Variants in ENOX1 observed in about 807,000 individuals in gnomAD.
The protein encoded by ENOX1 is candidate growth-related and time keeping constitutive hydroquinone (NADH) oxidase.
Under a neutral mutation model 82.5 loss-of-function variants are expected in ENOX1, and 42 were observed. That is an observed-to-expected ratio of 0.51 (90% confidence interval 0.40 to 0.66). The LOEUF (loss-of-function observed/expected upper bound fraction) is 0.66, where lower values mean the gene tolerates loss of function less well. Ranked by LOEUF, ENOX1 falls within the 30% of genes least tolerant of loss-of-function variation. The pLI, the probability that ENOX1 is intolerant of heterozygous loss-of-function variation, is 0.00. For synonymous variants in ENOX1, 271 were observed against 282.2 expected, an observed-to-expected ratio of 0.96 and a Z score of 0.40; for missense variants, 608 against 811.6, an observed-to-expected ratio of 0.75 and a Z score of 3.05.
intron 2 of ENOX1, among the ~76,000 whole-genome samples, chr13:43,598,283 T>C (rs2081555301): frequency 6.6e-6 from 1 of 152,090 alleles, no homozygotes; most frequent in Admixed American, 6.6e-5. Flanking sequence ...CAAGAAAATA[T>C]GCTGCATGAA....
intron 2 of ENOX1, among the ~76,000 whole-genome samples, chr13:43,536,347 T>G (rs1354185675): frequency 6.6e-6 from 1 of 152,234 alleles, no homozygotes; most frequent in Non-Finnish European, 1.5e-5. Context: ...GCATTCATGT[T>G]TTTGAATGAA....
At position 43,689,759 on chromosome 13, in the gene ENOX1, G is replaced by A. The variant is rs77273221; in HGVS notation, c.-284-22215C>T. On this transcript the variant is annotated intron_variant, in intron 1 of 16. Coordinates refer to ENST00000690772, the MANE Select transcript of ENOX1 (RefSeq NM_001347969.2). ...ATATAAATATGAATATACATCTGTC[G>A]TTGTATACACACACTCAACACTCAA... Among the ~76,000 whole-genome samples the A allele has an allele frequency of 8.2e-3, 1,243 of 152,126 alleles. 9 individuals carry two copies. The highest frequency in any genetic ancestry group is 0.013 in the Non-Finnish European group (863 of 68,004).
At position 43,739,502 on chromosome 13, in the gene ENOX1, T is replaced by A. The variant is rs544273650; in HGVS notation, c.-285+47150A>T. ...AGGTGGAGGCTGCAGTGAGCTGAGA[T>A]AGCACCACTGCACTCCAGCCTGGGC... is the stretch of plus-strand genomic sequence containing the variant. On this transcript the variant is annotated intron_variant, in intron 1 of 16. Coordinates refer to ENST00000690772, the MANE Select transcript of ENOX1 (RefSeq NM_001347969.2). 9.2e-5 allele frequency among the ~76,000 whole-genome samples: 14 copies of A among 152,064 alleles called. No homozygotes were observed. The East Asian group carries it at 2.7e-3, about 29-fold the overall frequency.
At chr13:43,784,566 G>C (rs903241801) in intron 1 of ENOX1, among the ~76,000 whole-genome samples, 1 of 152,214 alleles carries the variant, frequency 6.6e-6, no homozygotes, top group Non-Finnish European at 1.5e-5. Flanking sequence ...AATTCAAAGA[G>C]TGTTGCTGTT....
chr13:43,470,394 ATATGTG>A (rs1355859307), intron 3 of ENOX1, among the ~76,000 whole-genome samples: 1 of 46,012 alleles, frequency 2.2e-5, no homozygotes, highest in African/African-American at 4.8e-5. Flanking sequence ...ATACGTATAT[ATATGTG>A]TATATATATA....
intron 2 of ENOX1, among the ~76,000 whole-genome samples, chr13:43,586,834 G>T (rs557039050): frequency 6.6e-6 from 1 of 152,108 alleles, no homozygotes; most frequent in African/African-American, 2.4e-5. Flanking sequence ...GGAGGCTGAG[G>T]CAGGTGGATC....
intron 3 of ENOX1, among the ~76,000 whole-genome samples, chr13:43,448,187 C>A (rs1000151752): frequency 1.3e-5 from 2 of 152,174 alleles, no homozygotes; most frequent in South Asian, 2.1e-4. Context: ...AAAACATGTT[C>A]TCTTATTAGT....
intron 5 of ENOX1, among the ~76,000 whole-genome samples, chr13:43,395,991 C>T (rs1383352992): frequency 6.6e-6 from 1 of 152,106 alleles, no homozygotes; most frequent in Non-Finnish European, 1.5e-5. Context: ...AAACGATGGC[C>T]ACTTATTTGA....
chr13:43,401,624 A>G (rs2053501899), intron 5 of ENOX1, among the ~76,000 whole-genome samples: 1 of 152,140 alleles, frequency 6.6e-6, no homozygotes, highest in Admixed American at 6.5e-5. Flanking sequence ...GTTGATTAGG[A>G]GAGACGGAGA....
At chr13:43,536,961 G>T (rs1193020215) in intron 2 of ENOX1, among the ~76,000 whole-genome samples, 1 of 152,150 alleles carries the variant, frequency 6.6e-6, no homozygotes, top group Non-Finnish European at 1.5e-5. Context: ...GAAGAAAATG[G>T]AGTGCCAAGG....
At chr13:43,437,752 A>G (rs925964361) in intron 3 of ENOX1, among the ~76,000 whole-genome samples, 3 of 152,206 alleles carry the variant, frequency 2.0e-5, no homozygotes, top group Non-Finnish European at 2.9e-5. Context: ...ATATTTAGTA[A>G]CTTCCACTGT....
intron 1 of ENOX1, among the ~76,000 whole-genome samples, chr13:43,746,924 C>A (rs1240083644): frequency 1.3e-5 from 2 of 152,172 alleles, no homozygotes; most frequent in Non-Finnish European, 2.9e-5. Context: ...TTAACCAGTT[C>A]AGCAAACTTC....
At chr13:43,369,255 C>T (rs552104414) in intron 5 of ENOX1, among the ~76,000 whole-genome samples, 1 of 152,296 alleles carries the variant, frequency 6.6e-6, no homozygotes, top group African/African-American at 2.4e-5. Flanking sequence ...TTCAGTCCTT[C>T]CATGAACTAA....
At chr13:43,320,214 A>G (rs2047725938) in intron 11 of ENOX1, among the ~76,000 whole-genome samples, 1 of 152,220 alleles carries the variant, frequency 6.6e-6, no homozygotes. Flanking sequence ...TGCTTTCTTC[A>G]GAAACCACAT....
intron 1 of ENOX1, among the ~76,000 whole-genome samples, chr13:43,729,160 C>T (rs17539229): frequency 0.041 from 6,172 of 152,214 alleles, 180 homozygotes; most frequent in Non-Finnish European, 0.063. Context: ...ATTCAATGTT[C>T]CACAATCCAA....
chr13:43,359,022 G>A (rs921651693), intron 7 of ENOX1, among the ~76,000 whole-genome samples: 3 of 152,212 alleles, frequency 2.0e-5, no homozygotes, highest in Non-Finnish European at 4.4e-5. Context: ...GAGGTGGACT[G>A]CAGAAATTAA....
chr13:43,723,538 C>T (rs1041228051), intron 1 of ENOX1, among the ~76,000 whole-genome samples: 1 of 152,154 alleles, frequency 6.6e-6, no homozygotes, highest in Non-Finnish European at 1.5e-5. Flanking sequence ...GCACTTCAAA[C>T]TCTTAATCTT....
chr13:43,706,120 A>ATT (rs1468483504), intron 1 of ENOX1, among the ~76,000 whole-genome samples: 35 of 151,984 alleles, frequency 2.3e-4, no homozygotes, highest in Admixed American at 9.8e-4. Flanking sequence ...AACATATAAA[A>ATT]ATGTGTGAGA....
intron 12 of ENOX1, among the ~76,000 whole-genome samples, chr13:43,285,984 C>T (rs912335773): frequency 1.8e-4 from 28 of 152,026 alleles, no homozygotes; most frequent in Admixed American, 1.8e-3. Context: ...CTCTCCTAGC[C>T]AGCTGCATAG....
Sources: allele counts gnomAD v4.1 joint callset (sites outside exome capture counted in the v4.1 genomes callset), GRCh38; gene constraint gnomAD v4.1.1; transcripts MANE v1.5; gene names NCBI Gene and HGNC (gene_info 2026-07-23, HGNC 2026-07-21).